The following DOCK9 variants were observed in gnomAD, a reference collection of about 807,000 sequenced individuals.
The protein encoded by DOCK9 is dedicator of cytokinesis 9.
DOCK9 carries 89 observed loss-of-function variants against 263.3 expected under a neutral mutation model. The ratio of observed to expected loss-of-function variants is 0.34; its 90% CI spans 0.28 to 0.40. DOCK9 has a LOEUF of 0.40. Among genes scored for constraint, DOCK9 ranks in the 10% least tolerant of loss-of-function variants. DOCK9 has a pLI of 1.00. For missense variants in DOCK9, 2,140 were observed against 2,603.4 expected, an observed-to-expected ratio of 0.82 and a Z score of 3.87; for synonymous variants, 976 against 973.1, an observed-to-expected ratio of 1.00 and a Z score of -0.06.
At chr13:98,968,439 G>A (rs898778144) in intron 1 of DOCK9, among the ~76,000 whole-genome samples, 1 of 152,074 alleles carries the variant, frequency 6.6e-6, no homozygotes, top group African/African-American at 2.4e-5. Context: ...TGGCCAACAT[G>A]GTTCACCCCG....
At chr13:99,003,114 ATACCTTGAAATTCTGTTG>A (rs372919654) in intron 1 of DOCK9, among the ~76,000 whole-genome samples, 85 of 152,256 alleles carry the variant, frequency 5.6e-4, no homozygotes, top group African/African-American at 2.0e-3. Context: ...GGCCAAGGGG[ATACCTTGAAATTCTGTTG>A]TGCCTAAAAG....
intron 19 of DOCK9, 119 bp downstream of exon 19, chr13:98,886,413 T>C (rs2045697687): frequency 1.5e-6 from 1 of 671,074 alleles, no homozygotes; most frequent in African/African-American, 1.8e-5. Flanking sequence ...CATGCAGTTC[T>C]AGCTCTGTAA....
At chr13:99,007,120 T>C (rs927439501) in intron 1 of DOCK9, among the ~76,000 whole-genome samples, 1 of 152,018 alleles carries the variant, frequency 6.6e-6, no homozygotes, top group Non-Finnish European at 1.5e-5. Context: ...CCAGGTGCAG[T>C]GGTTCACGCC....
intron 1 of DOCK9, among the ~76,000 whole-genome samples, chr13:98,999,659 T>C (rs1377951691): frequency 1.3e-5 from 2 of 152,228 alleles, no homozygotes; most frequent in African/African-American, 4.8e-5. Flanking sequence ...AGGGTTTAAA[T>C]TACTGATGCA....
At chr13:98,862,760 T>C (rs553379451) in intron 32 of DOCK9, among the ~76,000 whole-genome samples, 30 of 150,878 alleles carry the variant, frequency 2.0e-4, no homozygotes, top group Admixed American at 6.6e-5. Flanking sequence ...CAAGTGAGGA[T>C]AGAGGCAGAG....
At chr13:99,013,874 G>A (rs138070531) in intron 1 of DOCK9, among the ~76,000 whole-genome samples, 370 of 152,324 alleles carry the variant, frequency 2.4e-3, no homozygotes, top group Non-Finnish European at 4.0e-3. Flanking sequence ...ACTCTGCTGC[G>A]TGCAGAAGAG....
At position 98,829,554 on chromosome 13, in the gene DOCK9, T is replaced by A; in HGVS notation, c.4750-32A>T. The stretch of plus-strand genomic sequence containing the variant: ...CAAGGGTGGAAGAGGAAAGGACACA[T>A]GGCTTCCTCTGTTTGCTGCCTGTCC... On this transcript the variant is annotated intron_variant, in intron 42 of 52. Coordinates refer to ENST00000682017, the MANE Select transcript of DOCK9 (RefSeq NM_001366683.2). The surrounding 1 kb of genome is among the most constrained non-coding windows in gnomAD (Gnocchi z 4.1). 3 of 1,595,326 alleles carry A rather than the reference T, an allele frequency of 1.9e-6. No homozygotes were observed. Among genetic ancestry groups the A allele is most frequent in the Non-Finnish European group, 2.6e-6 (3 of 1,169,522 alleles).
chr13:98,797,103 T>C lies in DOCK9; in HGVS notation c.6156+12A>G, dbSNP rs368725677. On this transcript the variant is annotated intron_variant, in intron 52 of 52. Coordinates refer to ENST00000682017, the MANE Select transcript of DOCK9 (RefSeq NM_001366683.2). ...AAGAACTCCAAGTTGTTGGAGCCAG[T>C]GCGGCCCTCACCTGCTCATGCATGA... The C allele has an allele frequency of 5.6e-6, 9 of 1,614,006 alleles. No individual in the cohort carries two copies. The highest frequency in any genetic ancestry group is 1.3e-5 in the African/African-American group (1 of 75,044).
chr13:98,886,276 A>C (rs996780509), intron 19 of DOCK9, among the ~76,000 whole-genome samples: 2 of 152,252 alleles, frequency 1.3e-5, no homozygotes, highest in African/African-American at 4.8e-5. Flanking sequence ...CAGAATATTA[A>C]TTGTGGTAGT....
In DOCK9 at chr13:98,879,954, A is replaced by G; in HGVS notation, c.2887T>C (p.Phe963Leu). 6.2e-7 allele frequency: 1 copy of G among 1,606,932 alleles called. No homozygotes were observed. The highest frequency in any genetic ancestry group is 1.1e-5 in the South Asian group (1 of 89,178). Residue 963 changes from phenylalanine to leucine, a missense_variant, in exon 27 of 53, where the codon TTT becomes CTT. This residue lies in a region of DOCK9 where 1,521 missense variants were observed against 1,741.7 expected (regional missense o/e 0.87). Coordinates refer to ENST00000682017, the MANE Select transcript of DOCK9 (RefSeq NM_001366683.2). ...NKLLKYSWFFFDVLIKSMAQH... is the reference protein window; with the variant it reads ...NKLLKYSWFFLDVLIKSMAQH... ...GCCATAGATTTGATCAGTACATCAA[A>G]GAAAAACCATGAGTACTAAAAGAAA...
chr13:98,879,092 C>A (rs2044323481), intron 27 of DOCK9, among the ~76,000 whole-genome samples: 3 of 152,134 alleles, frequency 2.0e-5, no homozygotes, highest in Non-Finnish European at 4.4e-5. Flanking sequence ...TCAGAGGAGC[C>A]CTGGAAACTT....
intron 3 of DOCK9, among the ~76,000 whole-genome samples, chr13:98,927,722 G>A (rs1380595227): frequency 6.6e-6 from 1 of 151,922 alleles, no homozygotes; most frequent in Admixed American, 6.6e-5. Context: ...CCGGGTTCAA[G>A]CGATTCTCCT....
chr13:98,815,083 A>G (rs917055604), intron 45 of DOCK9, among the ~76,000 whole-genome samples: 1 of 152,174 alleles, frequency 6.6e-6, no homozygotes, highest in Non-Finnish European at 1.5e-5. Flanking sequence ...TGGACGAGTG[A>G]ATCAATGTGT....
chr13:98,883,225 T>C (rs1348430097), intron 22 of DOCK9, 94 bp from the exon 23 acceptor site: 11 of 1,136,478 alleles, frequency 9.7e-6, no homozygotes, highest in Non-Finnish European at 1.3e-5. Flanking sequence ...GCTTTTTTGC[T>C]GTATGTTGTT....
Position 98,863,552 on chromosome 13 carries a change from A to C in DOCK9, c.3287-4T>G, listed in dbSNP as rs768582702. The C allele has an allele frequency of 6.2e-7, 1 of 1,602,330 alleles. No individual in the cohort carries two copies. The highest frequency in any genetic ancestry group is 1.3e-5 in the African/African-American group (1 of 74,454). On this transcript the variant is annotated splice_polypyrimidine_tract_variant and splice_region_variant and intron_variant, in intron 30 of 52. Coordinates refer to ENST00000682017, the MANE Select transcript of DOCK9 (RefSeq NM_001366683.2). ...AATGAGTAGTCAAGCTGGAGGTCTG[A>C]AATGAGGATAGAAACTACTTGAGTT...
chr13:98,855,264 G>A (rs1374561686), intron 34 of DOCK9, among the ~76,000 whole-genome samples: 15 of 152,180 alleles, frequency 9.9e-5, no homozygotes, highest in Non-Finnish European at 1.8e-4. Context: ...TGATGATGGT[G>A]TCTCTGGTAT....
In DOCK9 at chr13:98,797,499, G is replaced by C. The variant is rs1272790382; in HGVS notation, c.5917-10C>G. On this transcript the variant is annotated splice_polypyrimidine_tract_variant and intron_variant, in intron 50 of 52. Transcript: ENST00000682017. ...GTGGGCCAGCATTGACCTAGACAAA[G>C]AGCAAAGATTTTCAGTTCCACTAGG... 1 of 1,602,012 alleles carries C rather than the reference G, an allele frequency of 6.2e-7. No individual in the cohort carries two copies. Among genetic ancestry groups the C allele is most frequent in the East Asian group, 2.2e-5 (1 of 44,696 alleles).
At chr13:99,000,257 C>T (rs1310024354) in intron 1 of DOCK9, among the ~76,000 whole-genome samples, 1 of 152,174 alleles carries the variant, frequency 6.6e-6, no homozygotes, top group Non-Finnish European at 1.5e-5. Flanking sequence ...TCTGAAGATG[C>T]AACACTCAGT....
At chr13:98,809,297 TTTTG>T (rs1179579466) in intron 47 of DOCK9, 51 bp downstream of exon 47, 4 of 1,440,000 alleles carry the variant, frequency 2.8e-6, no homozygotes, top group Non-Finnish European at 3.8e-6. Context: ...TTGTTTTTGT[TTTTG>T]TTTTTTTTTA....
Sources: allele counts gnomAD v4.1 joint callset (sites outside exome capture counted in the v4.1 genomes callset), GRCh38; gene constraint gnomAD v4.1.1; regional missense constraint gnomAD v4.1.1; non-coding constraint Gnocchi (gnomAD v3.1); transcripts MANE v1.5; gene names NCBI Gene and HGNC (gene_info 2026-07-23, HGNC 2026-07-21).